Variants in POLE observed in about 807,000 individuals in gnomAD.
POLE encodes DNA polymerase epsilon catalytic subunit A.
Under a neutral mutation model 279.2 loss-of-function variants are expected in POLE, and 188 were observed. The observed-to-expected ratio is 0.67, with a 90% CI of 0.60 to 0.76. The LOEUF (loss-of-function observed/expected upper bound fraction) is 0.76. Ranked by LOEUF, POLE falls within the 30% of genes least tolerant of loss-of-function variation. POLE has a pLI of 0.00. For missense variants in POLE, 2,703 were observed against 3,016.7 expected (o/e 0.90, Z 2.44); for synonymous variants, 1,214 against 1,172.5 (o/e 1.04, Z -0.72).
chr12:132,624,901 C>T lies in POLE; in HGVS notation c.6747+4G>A. On this transcript the variant is annotated splice_donor_region_variant and intron_variant, in intron 48 of 48. Transcript: ENST00000320574. The stretch of plus-strand genomic sequence containing the variant: ...TGAGCCGAGGCAGATGAGGGAGAGC[C>T]CACCTGGGTGTGGATGGTGAGGGCG... 6.2e-7 allele frequency: 1 copy of T among 1,613,222 alleles called. No homozygotes were observed.
At chr12:132,670,071 C>G (rs1329346527) in intron 16 of POLE, among the ~76,000 whole-genome samples, 1 of 152,052 alleles carries the variant, frequency 6.6e-6, no homozygotes, top group African/African-American at 2.4e-5. Context: ...TTCTTAAAGA[C>G]TTTAAATATC....
chr12:132,625,856 G>T, intron 46 of POLE, 86 bp from the exon 47 acceptor site: 2 of 1,529,950 alleles, frequency 1.3e-6, no homozygotes, highest in African/African-American at 2.7e-5. Flanking sequence ...GGAAGGGGCT[G>T]TGAGAAGCGC....
chr12:132,638,204 G>A, intron 40 of POLE, 65 bp from the exon 41 acceptor site: 1 of 1,516,932 alleles, frequency 6.6e-7, no homozygotes, highest in Non-Finnish European at 9.0e-7. Context: ...AGGGCACCCA[G>A]AAAATCCAAG....
chr12:132,645,897 A>G (rs1018162464), intron 32 of POLE, among the ~76,000 whole-genome samples: 1 of 152,142 alleles, frequency 6.6e-6, no homozygotes, highest in Non-Finnish European at 1.5e-5. Context: ...AAATGTATAT[A>G]TTTCCTGGCT....
At chr12:132,649,650 A>G (rs757696439) in intron 30 of POLE, 27 bp downstream of exon 30, 1 of 1,612,254 alleles carries the variant, frequency 6.2e-7, no homozygotes, top group African/African-American at 1.3e-5. Flanking sequence ...CCTCAGAGAC[A>G]GACAGTATCA....
chr12:132,633,795 C>A lies in POLE; in HGVS notation c.6004+391G>T, dbSNP rs560890834. On this transcript the variant is annotated intron_variant, in intron 43 of 48. Coordinates refer to ENST00000320574, the MANE Select transcript of POLE (RefSeq NM_006231.4). Reference sequence around the variant, plus strand: ...GCCTCACAGACCAGCCAGGGGGCAGCTGACCTGACCCAGGGCTTTATCTTC... The same window carrying A: ...GCCTCACAGACCAGCCAGGGGGCAGATGACCTGACCCAGGGCTTTATCTTC... 1.0e-4 allele frequency: 17 copies of A among 166,436 alleles called. 1 individual carries two copies. The South Asian group carries it at 2.7e-3, about 26-fold the overall frequency. The allele number at this position is 166,436 out of a possible 1,614,324, so 10.3% of individuals were successfully genotyped here. A position where few individuals can be genotyped will look rare whatever the true frequency, so the allele number is the denominator to read the frequency against.
chr12:132,643,540 G>A lies in POLE; in HGVS notation c.4311C>T (p.Ala1437=), dbSNP rs1555223017. The A allele has an allele frequency of 6.2e-7, 1 of 1,614,156 alleles. No individual in the cohort carries two copies. Among genetic ancestry groups the A allele is most frequent in the Non-Finnish European group, 8.5e-7 (1 of 1,180,038 alleles). Residue 1437 remains alanine (A), a synonymous_variant, in exon 34 of 49, where the codon GCC becomes GCT. Coordinates refer to ENST00000320574, the MANE Select transcript of POLE (RefSeq NM_006231.4). ...CACACACACAGCCCAGGTGCACCAG[G>A]GCCCGGAACAGTAACGGAACCTGGA... ...YETQVPLLFR[A]LVHLGCVCVV... is the part of the protein sequence containing the mutation.
At chr12:132,635,650 C>G (rs1291833052) in intron 42 of POLE, among the ~76,000 whole-genome samples, 2 of 152,274 alleles carry the variant, frequency 1.3e-5, no homozygotes, top group Non-Finnish European at 2.9e-5. Flanking sequence ...CTGTCACCAC[C>G]TCATGGGCCT....
chr12:132,657,021 C>A, intron 29 of POLE, 115 bp downstream of exon 29: 1 of 1,173,612 alleles, frequency 8.5e-7, no homozygotes, highest in Non-Finnish European at 1.2e-6. Context: ...AGAAAAAGTC[C>A]ATTTTCGATG....
At chr12:132,658,178 G>A (rs1241300211) in intron 26 of POLE, 2 of 510,072 alleles carry the variant, frequency 3.9e-6, no homozygotes, top group Non-Finnish European at 7.1e-6. Context: ...ACGTGCGTGT[G>A]TGCACGTAAA....
intron 44 of POLE, 66 bp from the exon 45 acceptor site, chr12:132,632,574 G>A (rs1293359165): frequency 3.1e-6 from 5 of 1,606,728 alleles, no homozygotes; most frequent in Non-Finnish European, 4.3e-6. Flanking sequence ...CTCCCACCTG[G>A]GGGACTGGCA....
At position 132,661,094 on chromosome 12, in the gene POLE, G is replaced by T. The variant is rs56081968; in HGVS notation, c.2935C>A (p.Leu979Met). 1 of 1,613,750 alleles carries T rather than the reference G, an allele frequency of 6.2e-7. No homozygotes were observed. The stretch of plus-strand genomic sequence containing the variant: ...GATTGGAAGATCTTAATCAGCTGCA[G>T]TTCCCCGCGGCGTTTGACCTCAAAG... Reference protein sequence around the residue: ...KGFEVKRRGELQLIKIFQSSV... With the variant: ...KGFEVKRRGEMQLIKIFQSSV... Residue 979 changes from leucine (L) to methionine (M), a missense_variant, in exon 25 of 49, where the codon CTG (leucine) becomes ATG (methionine). This residue lies in a region of POLE where 19 missense variants were observed against 51.5 expected (regional missense o/e 0.37). Transcript: ENST00000320574. This position sits in a 1 kb window ranked among gnomAD's most constrained non-coding sequence, Gnocchi z 4.1.
At chr12:132,670,869 T>C (rs937425237) in intron 16 of POLE, among the ~76,000 whole-genome samples, 2 of 152,210 alleles carry the variant, frequency 1.3e-5, no homozygotes, top group Non-Finnish European at 2.9e-5. Flanking sequence ...CCCTGAAGTA[T>C]AATAATGGAT....
intron 5 of POLE, 37 bp downstream of exon 5, chr12:132,679,917 G>A: frequency 7.0e-7 from 1 of 1,431,250 alleles, no homozygotes; most frequent in Non-Finnish European, 9.7e-7. Flanking sequence ...GTAGACTCTG[G>A]CCTCATTTAC....
intron 31 of POLE, 87 bp downstream of exon 31, chr12:132,649,219 C>G: frequency 6.6e-7 from 1 of 1,518,494 alleles, no homozygotes; most frequent in East Asian, 2.3e-5. Flanking sequence ...TCTAACCCTC[C>G]CATCCCAGAC....
In POLE at chr12:132,624,430, G is replaced by A. The variant is rs967520681; in HGVS notation, c.*267C>T. ...GAAAAGCATTCACTGCGTGAGAAACGGCGCCCAGGGCACTCGCAGCCTCGC... is the reference window on the plus strand; with the variant it reads ...GAAAAGCATTCACTGCGTGAGAAACAGCGCCCAGGGCACTCGCAGCCTCGC... On this transcript the variant is annotated 3_prime_UTR_variant, in exon 49 of 49. Coordinates refer to ENST00000320574, the MANE Select transcript of POLE (RefSeq NM_006231.4). 15 of 543,182 alleles carry A rather than the reference G, an allele frequency of 2.8e-5. No homozygotes were observed. The highest frequency in any genetic ancestry group is 2.5e-4 in the Admixed American group (8 of 32,058). 33.6% of individuals were successfully genotyped at this position (543,182 alleles called of 1,614,324 possible). A position where few individuals can be genotyped will look rare whatever the true frequency, so the allele number is the denominator to read the frequency against.
At chr12:132,667,044 GTGT>G (rs1403876924) in intron 20 of POLE, among the ~76,000 whole-genome samples, 3 of 152,094 alleles carry the variant, frequency 2.0e-5, no homozygotes, top group African/African-American at 7.2e-5. Flanking sequence ...CAAAACAGAG[GTGT>G]TGCTATGCAT....
At chr12:132,678,517 C>G (rs1233120295) in intron 6 of POLE, among the ~76,000 whole-genome samples, 1 of 152,020 alleles carries the variant, frequency 6.6e-6, no homozygotes, top group African/African-American at 2.4e-5. Context: ...TTCGAGGCCA[C>G]AGTGAGCTAT....
intron 1 of POLE, among the ~76,000 whole-genome samples, chr12:132,682,804 T>A (rs2043196781): frequency 1.3e-5 from 2 of 151,594 alleles, no homozygotes; most frequent in Admixed American, 1.3e-4. Flanking sequence ...ATACGAAAAA[T>A]TAGCCGGGCG....
Sources: gnomAD v4.1 joint callset for allele counts (sites outside exome capture counted in the v4.1 genomes callset) on GRCh38, gnomAD v4.1.1 for gene constraint, gnomAD v4.1.1 regional missense constraint, Gnocchi (gnomAD v3.1) non-coding constraint, MANE v1.5 for transcripts, NCBI Gene and HGNC (gene_info 2026-07-23, HGNC 2026-07-21) for gene names.